Variants in ITPR1 observed in about 807,000 individuals in gnomAD.
The protein encoded by ITPR1 is inositol 1,4,5-trisphosphate receptor type 1.
A neutral mutation model predicts 318.4 loss-of-function variants in ITPR1; 96 were observed. That is an observed-to-expected ratio of 0.30 (90% confidence interval 0.26 to 0.36). The LOEUF (loss-of-function observed/expected upper bound fraction) is 0.36, where lower values mean the gene tolerates loss of function less well. Among genes scored for constraint, ITPR1 ranks in the 10% least tolerant of loss-of-function variants. The pLI, the probability that ITPR1 is intolerant of heterozygous loss-of-function variation, is 1.00. For missense variants in ITPR1, 2,440 were observed against 3,460.2 expected, an observed-to-expected ratio of 0.71 and a Z score of 7.40; for synonymous variants, 1,312 against 1,289.9, an observed-to-expected ratio of 1.02 and a Z score of -0.37.
In ITPR1 at chr3:4,662,210, A is replaced by G. The variant is rs375697840; in HGVS notation, c.1380A>G (p.Leu460=). 3.8e-5 allele frequency: 61 copies of G among 1,611,924 alleles called. No individual in the cohort carries two copies. The African/African-American group carries it at 7.6e-4, about 20-fold the overall frequency. The change falls in exon 15 of 62, where the codon CTA becomes CTG. Residue 460 remains leucine, a synonymous_variant. Transcript: ENST00000649015. ...TGCTGGGCTCCATTGCTGGGAAGCT[A>G]GAGAAGGGCACCATCACCCAGAATG... The part of the protein sequence containing the change: ...SKVLGSIAGK[L]EKGTITQNER...
At chr3:4,835,451 G>A (rs1215241733) in intron 60 of ITPR1, among the ~76,000 whole-genome samples, 2 of 152,170 alleles carry the variant, frequency 1.3e-5, no homozygotes, top group Non-Finnish European at 2.9e-5. Context: ...TAACGGAGTA[G>A]CTGAGTAGTT....
intron 30 of ITPR1, among the ~76,000 whole-genome samples, chr3:4,686,743 G>A (rs1180586293): frequency 6.6e-6 from 1 of 152,188 alleles, no homozygotes; most frequent in Non-Finnish European, 1.5e-5. Flanking sequence ...TTTGGGGCTT[G>A]CTTTCCTTGG....
chr3:4,846,193 CACATG>C lies in ITPR1; in HGVS notation c.8247_8251del (p.His2749GlnfsTer12), dbSNP rs1228999061. 9 of 1,568,050 alleles carry C rather than the reference CACATG, an allele frequency of 5.7e-6. No homozygotes were observed. Among genetic ancestry groups the C allele is most frequent in the Middle Eastern group, 1.7e-4 (1 of 6,004 alleles). ...AATTGGTCTTCTAGGACATCCTCCTCACATGAATGTCAACCCACAACAACCAGCAT... is the reference window on the plus strand; with the variant it reads ...AATTGGTCTTCTAGGACATCCTCCTCAATGTCAACCCACAACAACCAGCAT... On this transcript the variant is annotated frameshift_variant, in exon 62 of 62. Coordinates refer to ENST00000649015, the MANE Select transcript of ITPR1 (RefSeq NM_001378452.1). LOFTEE classifies it high-confidence loss of function.
At position 4,632,929 on chromosome 3, in the gene ITPR1, CTTTTTTTTTTTTT is replaced by C. The variant is rs1156474451; in HGVS notation, c.279+5067_279+5079del. Among the ~76,000 whole-genome samples, 493 of 66,032 alleles carry C rather than the reference CTTTTTTTTTTTTT, an allele frequency of 7.5e-3. 2 individuals carry two copies. Among genetic ancestry groups the C allele is most frequent in the Non-Finnish European group, 9.4e-3 (326 of 34,614 alleles). 43.3% of individuals were successfully genotyped at this position (66,032 alleles called of 152,430 possible). A position where few individuals can be genotyped will look rare whatever the true frequency, so the allele number is the denominator to read the frequency against. On this transcript the variant is annotated intron_variant, in intron 5 of 61. Coordinates refer to ENST00000649015, the MANE Select transcript of ITPR1 (RefSeq NM_001378452.1). ...AAGATTACTGATGTGACTTTCAGGT[CTTTTTTTTTTTTT>C]TTTTTTTTTTTTTTTGAGATGGGGT... is the stretch of plus-strand genomic sequence containing the variant.
chr3:4,654,515 T>C (rs945340156), intron 12 of ITPR1, among the ~76,000 whole-genome samples: 4 of 152,220 alleles, frequency 2.6e-5, no homozygotes, highest in African/African-American at 9.6e-5. Flanking sequence ...CATTTATGGG[T>C]TGAAGAAGGC....
At chr3:4,819,906 G>T (rs1575373527) in intron 60 of ITPR1, among the ~76,000 whole-genome samples, 2 of 152,216 alleles carry the variant, frequency 1.3e-5, no homozygotes, top group South Asian at 2.1e-4. Context: ...CAGGCTGGGG[G>T]TTAAGTGACT....
intron 7 of ITPR1, among the ~76,000 whole-genome samples, chr3:4,643,307 A>G (rs900038068): frequency 2.0e-5 from 3 of 152,256 alleles, no homozygotes; most frequent in African/African-American, 7.2e-5. Flanking sequence ...TTTTCATGTT[A>G]GGAAACCATC....
At chr3:4,739,323 G>A (rs188657056) in intron 44 of ITPR1, among the ~76,000 whole-genome samples, 55 of 152,266 alleles carry the variant, frequency 3.6e-4, no homozygotes, top group East Asian at 7.7e-4. Context: ...CTTCCTGTTC[G>A]GTGCACCATG....
chr3:4,778,316 A>G (rs2046609263), intron 48 of ITPR1, among the ~76,000 whole-genome samples: 1 of 152,202 alleles, frequency 6.6e-6, no homozygotes, highest in African/African-American at 2.4e-5. Context: ...ATGTCAGGGC[A>G]TGTTGAGATT....
chr3:4,638,972 C>T (rs2093272191), intron 5 of ITPR1, among the ~76,000 whole-genome samples: 1 of 152,084 alleles, frequency 6.6e-6, no homozygotes, highest in Admixed American at 6.5e-5. Context: ...TTCACAAAAC[C>T]ACAAACCACC....
intron 20 of ITPR1, 36 bp downstream of exon 20, chr3:4,670,962 C>T (rs750885709): frequency 2.1e-6 from 3 of 1,423,702 alleles, no homozygotes; most frequent in Admixed American, 2.6e-5. Flanking sequence ...GATTGGGGTG[C>T]CCCAAAACAG....
chr3:4,769,721 G>A (rs1180898729), intron 46 of ITPR1, among the ~76,000 whole-genome samples: 3 of 152,180 alleles, frequency 2.0e-5, no homozygotes, highest in Non-Finnish European at 1.5e-5. Context: ...TGCAGAAGTA[G>A]GACTTGAACC....
intron 40 of ITPR1, among the ~76,000 whole-genome samples, chr3:4,725,228 T>A (rs974762578): frequency 2.0e-5 from 3 of 152,066 alleles, no homozygotes; most frequent in Non-Finnish European, 4.4e-5. Context: ...TGTGCTGTGG[T>A]TTTTCCTGTC....
intron 4 of ITPR1, among the ~76,000 whole-genome samples, chr3:4,592,058 T>G (rs1218414706): frequency 2.6e-5 from 4 of 152,222 alleles, no homozygotes; most frequent in Non-Finnish European, 5.9e-5. Context: ...AATTCCGAGC[T>G]GGGGTTCCGA....
chr3:4,829,747 G>C (rs967317539), intron 60 of ITPR1, among the ~76,000 whole-genome samples: 2 of 151,882 alleles, frequency 1.3e-5, no homozygotes, highest in Non-Finnish European at 2.9e-5. Flanking sequence ...TTTTCATGTT[G>C]TGCATTCTGT....
At position 4,659,667 on chromosome 3, in the gene ITPR1, C is replaced by G. The variant is rs78641323; in HGVS notation, c.1152-1321C>G. Among the ~76,000 whole-genome samples the G allele has an allele frequency of 8.6e-5, 13 of 150,552 alleles. No individual in the cohort carries two copies. The East Asian group carries it at 2.5e-3, about 29-fold the overall frequency. ...GCCAACTGTACTCCAGCCTGGGTGA[C>G]AGAGTGAGACCCTGTCTCCAAAGGA... On this transcript the variant is annotated intron_variant, in intron 13 of 61. Coordinates refer to ENST00000649015, the MANE Select transcript of ITPR1 (RefSeq NM_001378452.1).
At chr3:4,614,455 C>T (rs2686616) in intron 4 of ITPR1, among the ~76,000 whole-genome samples, 139,031 of 152,230 alleles carry the variant, frequency 0.91, 64,777 homozygotes, top group East Asian at 1. Context: ...TGAAGGACTT[C>T]AAGCAAAGTA....
chr3:4,666,687 G>C (rs1029575937), intron 17 of ITPR1, among the ~76,000 whole-genome samples: 1 of 152,112 alleles, frequency 6.6e-6, no homozygotes, highest in African/African-American at 2.4e-5. Flanking sequence ...AGTTTCAAGG[G>C]CCACTTGAAT....
At chr3:4,684,700 G>GT (rs1046097287) in intron 29 of ITPR1, among the ~76,000 whole-genome samples, 7 of 152,228 alleles carry the variant, frequency 4.6e-5, no homozygotes, top group African/African-American at 1.7e-4. Flanking sequence ...GAGAGCTGTA[G>GT]TTTTTTAGAA....
Sources: gnomAD v4.1 joint callset for allele counts (sites outside exome capture counted in the v4.1 genomes callset) on GRCh38, gnomAD v4.1.1 for gene constraint, MANE v1.5 for transcripts, NCBI Gene and HGNC (gene_info 2026-07-23, HGNC 2026-07-21) for gene names.